ARNT2: variants seen among roughly 807,000 people sequenced by gnomAD.
ARNT2 encodes ARNT protein 2.
ARNT2 carries 36 observed loss-of-function variants against 91.7 expected under a neutral mutation model. The observed-to-expected ratio is 0.39, with a 90% CI of 0.30 to 0.52. The LOEUF is 0.52. Among genes scored for constraint, ARNT2 ranks in the 20% least tolerant of loss-of-function variants. The pLI, the probability that ARNT2 is intolerant of heterozygous loss-of-function variation, is 0.72. For synonymous variants in ARNT2, 365 were observed against 347.1 expected (o/e 1.05, Z -0.57); for missense variants, 775 against 939.3 (o/e 0.83, Z 2.29).
chr15:80,432,274 A>G (rs1276150529), intron 1 of ARNT2, among the ~76,000 whole-genome samples: 1 of 152,074 alleles, frequency 6.6e-6, no homozygotes, highest in East Asian at 1.9e-4. Context: ...GAGGTAGAAG[A>G]TTTCTCGCCT....
chr15:80,462,156 C>T (rs1896566904), intron 3 of ARNT2, among the ~76,000 whole-genome samples: 1 of 152,140 alleles, frequency 6.6e-6, no homozygotes, highest in Non-Finnish European at 1.5e-5. Context: ...GCCTTTTCAT[C>T]ACTCTGAGTG....
intron 8 of ARNT2, among the ~76,000 whole-genome samples, chr15:80,524,119 T>C (rs1443600173): frequency 1.3e-5 from 2 of 152,118 alleles, no homozygotes; most frequent in Non-Finnish European, 1.5e-5. Context: ...AACAGGGTGC[T>C]AAAAAATGTG....
At chr15:80,434,655 G>A (rs1002587096) in intron 1 of ARNT2, 2 of 152,818 alleles carry the variant, frequency 1.3e-5, no homozygotes, top group Non-Finnish European at 2.9e-5. Flanking sequence ...GGGATGCAGT[G>A]AGAGATCAAG....
chr15:80,534,809 G>A (rs1186906992), intron 8 of ARNT2, among the ~76,000 whole-genome samples: 1 of 152,168 alleles, frequency 6.6e-6, no homozygotes, highest in Non-Finnish European at 1.5e-5. Flanking sequence ...TCTGAAGATA[G>A]CTAAGAAGTG....
At chr15:80,472,694 C>A (rs747680493) in intron 4 of ARNT2, among the ~76,000 whole-genome samples, 1 of 152,126 alleles carries the variant, frequency 6.6e-6, no homozygotes, top group African/African-American at 2.4e-5. Flanking sequence ...TCATTTCCAC[C>A]TCTGTAAAAA....
intron 8 of ARNT2, among the ~76,000 whole-genome samples, chr15:80,527,133 C>T (rs748401394): frequency 5.3e-5 from 8 of 152,188 alleles, no homozygotes; most frequent in Non-Finnish European, 1.2e-4. Context: ...CAGGGCAAAG[C>T]CACTCTTCCA....
intron 8 of ARNT2, among the ~76,000 whole-genome samples, chr15:80,525,391 A>G (rs117293126): frequency 2.6e-5 from 4 of 152,200 alleles, no homozygotes; most frequent in Non-Finnish European, 4.4e-5. Flanking sequence ...CTTAGCACAT[A>G]TAACACTATT....
chr15:80,520,452 G>A (rs1280185813), intron 8 of ARNT2, among the ~76,000 whole-genome samples: 3 of 152,084 alleles, frequency 2.0e-5, no homozygotes, highest in South Asian at 2.1e-4. Context: ...TAAGCAAGAC[G>A]AGTAAATTAC....
chr15:80,533,269 T>G (rs1317181425), intron 8 of ARNT2, among the ~76,000 whole-genome samples: 1 of 152,060 alleles, frequency 6.6e-6, no homozygotes, highest in African/African-American at 2.4e-5. Context: ...CAGGGGCAGG[T>G]GGAGACTGAT....
chr15:80,436,847 G>T (rs1477719787), intron 1 of ARNT2, among the ~76,000 whole-genome samples: 2 of 152,216 alleles, frequency 1.3e-5, no homozygotes, highest in Admixed American at 6.5e-5. Flanking sequence ...TGTGAGCCCA[G>T]CGGGCATGAC....
intron 8 of ARNT2, among the ~76,000 whole-genome samples, chr15:80,533,918 A>C (rs1266748709): frequency 6.6e-6 from 1 of 152,044 alleles, no homozygotes; most frequent in East Asian, 1.9e-4. Flanking sequence ...TTTTCACCTC[A>C]CTGTGTCTTT....
intron 2 of ARNT2, among the ~76,000 whole-genome samples, chr15:80,451,443 A>C (rs1896388311): frequency 6.6e-6 from 1 of 152,104 alleles, no homozygotes; most frequent in African/African-American, 2.4e-5. Context: ...TCAGTGCTTG[A>C]AGACCAGACA....
At chr15:80,449,241 T>C (rs1241810348) in intron 1 of ARNT2, among the ~76,000 whole-genome samples, 1 of 152,210 alleles carries the variant, frequency 6.6e-6, no homozygotes, top group Non-Finnish European at 1.5e-5. Flanking sequence ...ACTCTGTTTC[T>C]TGGAGAATCT....
chr15:80,566,950 G>C (rs1233964290), intron 12 of ARNT2, among the ~76,000 whole-genome samples: 2 of 152,134 alleles, frequency 1.3e-5, no homozygotes, highest in African/African-American at 4.8e-5. Flanking sequence ...AGTTAGCTTG[G>C]CCAAATTAAG....
At position 80,404,449 on chromosome 15, in the gene ARNT2, G is replaced by T; in HGVS notation, c.-67G>T. On this transcript the variant is annotated 5_prime_UTR_variant, in exon 1 of 19. Transcript: ENST00000303329. This position sits in a 1 kb window ranked among gnomAD's most constrained non-coding sequence, Gnocchi z 5.5. ...TGGGCCTGACCGGGTCCCCGGGGCT[G>T]AGCGCCGGGCTCCGCGCCGCCCCTC... is the stretch of plus-strand genomic sequence containing the variant. 1 of 1,111,452 alleles carries T rather than the reference G, an allele frequency of 9.0e-7. No individual in the cohort carries two copies. 68.8% of individuals were successfully genotyped at this position (1,111,452 alleles called of 1,614,324 possible).
intron 2 of ARNT2, among the ~76,000 whole-genome samples, chr15:80,455,823 A>G (rs888245733): frequency 6.6e-6 from 1 of 152,194 alleles, no homozygotes; most frequent in Admixed American, 6.5e-5. Flanking sequence ...AGATAACTGT[A>G]TGTCTCACAC....
intron 8 of ARNT2, among the ~76,000 whole-genome samples, chr15:80,534,050 AG>A (rs1363774806): frequency 6.6e-6 from 1 of 152,268 alleles, no homozygotes. Flanking sequence ...CTCTAGGCAA[AG>A]GAAGATGCTT....
chr15:80,522,070 G>T lies in ARNT2; in HGVS notation c.877+7665G>T, dbSNP rs114390334. Among the ~76,000 whole-genome samples, 1,186 of 152,174 alleles carry T rather than the reference G, an allele frequency of 7.8e-3. 14 individuals are homozygous for T. The highest frequency in any genetic ancestry group is 0.026 in the African/African-American group (1,097 of 41,518). The stretch of plus-strand genomic sequence containing the variant: ...ATAATTTTTAGATACTGTTTAAAAC[G>T]TAAAAAGAATGAGTTTTCTATATTC... On this transcript the variant is annotated intron_variant, in intron 8 of 18. Transcript: ENST00000303329.
chr15:80,552,524 ATGACAT>A (rs1898099042), intron 9 of ARNT2, 110 bp from the exon 10 acceptor site: 1 of 1,335,860 alleles, frequency 7.5e-7, no homozygotes, highest in Admixed American at 2.0e-5. Context: ...ATCGTACTAA[ATGACAT>A]GGAAGGATCT....
Sources: gnomAD v4.1 joint callset for allele counts (sites outside exome capture counted in the v4.1 genomes callset) on GRCh38, gnomAD v4.1.1 for gene constraint, Gnocchi (gnomAD v3.1) non-coding constraint, MANE v1.5 for transcripts, NCBI Gene and HGNC (gene_info 2026-07-23, HGNC 2026-07-21) for gene names.